MTUS2: variants seen among roughly 807,000 people sequenced by gnomAD.
MTUS2 encodes microtubule associated scaffold protein 2, also known as microtubule-associated tumor suppressor candidate 2.
MTUS2 carries 40 observed loss-of-function variants against 114.1 expected under a neutral mutation model. That is an observed-to-expected ratio of 0.35 (90% CI 0.27 to 0.46). The LOEUF (loss-of-function observed/expected upper bound fraction) is 0.46. Among genes scored for constraint, MTUS2 ranks in the 20% least tolerant of loss-of-function variants. MTUS2 has a pLI of 1.00. For missense variants in MTUS2, 1,679 were observed against 1,705.4 expected (o/e 0.98, Z 0.27); for synonymous variants, 688 against 672.0 (o/e 1.02, Z -0.37).
intron 7 of MTUS2, among the ~76,000 whole-genome samples, chr13:29,332,297 T>C (rs1900819126): frequency 6.6e-6 from 1 of 151,118 alleles, no homozygotes; most frequent in Non-Finnish European, 1.5e-5. Flanking sequence ...GGAGGGTGTA[T>C]GTGCCCAGGA....
chr13:29,435,464 T>C (rs1421720529), intron 8 of MTUS2, among the ~76,000 whole-genome samples: 1 of 152,122 alleles, frequency 6.6e-6, no homozygotes, highest in Non-Finnish European at 1.5e-5. Context: ...AGACCAGGCA[T>C]AGTTTGGGGA....
chr13:28,947,854 G>T (rs917900076), intron 2 of MTUS2, among the ~76,000 whole-genome samples: 3 of 152,162 alleles, frequency 2.0e-5, no homozygotes, highest in Non-Finnish European at 2.9e-5. Flanking sequence ...AATATTTGAG[G>T]ATGCTTTTAG....
chr13:29,172,177 T>C (rs1893590997), intron 5 of MTUS2, among the ~76,000 whole-genome samples: 1 of 152,220 alleles, frequency 6.6e-6, no homozygotes, highest in South Asian at 2.1e-4. Context: ...ATGGCTTTGC[T>C]ACTGACTCCC....
chr13:29,376,901 A>G (rs1170180207), intron 8 of MTUS2, among the ~76,000 whole-genome samples: 3 of 152,222 alleles, frequency 2.0e-5, no homozygotes, highest in African/African-American at 7.2e-5. Context: ...AAATATAATG[A>G]TATACGTAAG....
intron 2 of MTUS2, among the ~76,000 whole-genome samples, chr13:28,939,603 T>C (rs781281847): frequency 6.6e-6 from 1 of 152,220 alleles, no homozygotes; most frequent in Non-Finnish European, 1.5e-5. Context: ...TCATTAGTTA[T>C]TGGTTCAGGA....
chr13:29,293,312 G>A (rs1898795172), intron 6 of MTUS2, among the ~76,000 whole-genome samples: 1 of 152,062 alleles, frequency 6.6e-6, no homozygotes, highest in African/African-American at 2.4e-5. Flanking sequence ...CACACTAGAA[G>A]TACAAAGTGG....
At chr13:29,244,845 A>G (rs1445455132) in intron 5 of MTUS2, among the ~76,000 whole-genome samples, 11 of 146,032 alleles carry the variant, frequency 7.5e-5, no homozygotes, top group Admixed American at 2.1e-4. Context: ...AGTCCCAGCT[A>G]CTTGGGAGGC....
intron 2 of MTUS2, among the ~76,000 whole-genome samples, chr13:28,988,229 G>A (rs943733243): frequency 3.3e-5 from 5 of 152,130 alleles, no homozygotes; most frequent in African/African-American, 1.2e-4. Flanking sequence ...CTAAATTAGG[G>A]GTGTGAGGAT....
intron 5 of MTUS2, among the ~76,000 whole-genome samples, chr13:29,133,351 T>C (rs925072260): frequency 2.0e-5 from 3 of 152,186 alleles, no homozygotes; most frequent in African/African-American, 7.2e-5. Context: ...GATATACAAA[T>C]TTTTAAAATT....
At chr13:29,166,323 G>A (rs1374928673) in intron 5 of MTUS2, among the ~76,000 whole-genome samples, 1 of 152,222 alleles carries the variant, frequency 6.6e-6, no homozygotes, top group Non-Finnish European at 1.5e-5. Flanking sequence ...CTGACAGAAG[G>A]TTGGAGTAGA....
In MTUS2 at chr13:29,022,623, T is replaced by C. The variant is rs1247148565; in HGVS notation, c.-242-1834T>C. Among the ~76,000 whole-genome samples, 15 of 152,370 alleles carry C rather than the reference T, an allele frequency of 9.8e-5. 1 individual carries two copies. ...CTCACATGTGGTGTGCACGTGTGCT[T>C]GCACATTCTTGATGAATGAGGAGGA... On this transcript the variant is annotated intron_variant, in intron 2 of 15. Transcript: ENST00000612955.
intron 8 of MTUS2, among the ~76,000 whole-genome samples, chr13:29,424,598 C>T (rs569605025): frequency 6.6e-6 from 1 of 152,238 alleles, no homozygotes; most frequent in Non-Finnish European, 1.5e-5. Flanking sequence ...ATTGGAACAC[C>T]CAGACACAGT....
At chr13:29,221,603 T>C (rs1180656147) in intron 5 of MTUS2, among the ~76,000 whole-genome samples, 1 of 152,136 alleles carries the variant, frequency 6.6e-6, no homozygotes, top group Non-Finnish European at 1.5e-5. Flanking sequence ...TGGTTACTAA[T>C]CATGTGTTAT....
At chr13:29,258,966 C>G (rs1897370880) in intron 5 of MTUS2, among the ~76,000 whole-genome samples, 1 of 152,208 alleles carries the variant, frequency 6.6e-6, no homozygotes, top group African/African-American at 2.4e-5. Context: ...AGAATCCAGA[C>G]TAATAAAGGT....
intron 2 of MTUS2, among the ~76,000 whole-genome samples, chr13:29,023,686 T>G (rs577303050): frequency 5.9e-5 from 9 of 152,358 alleles, no homozygotes; most frequent in Admixed American, 5.9e-4. Flanking sequence ...TAATATCCTT[T>G]GCTAACATGT....
intron 2 of MTUS2, among the ~76,000 whole-genome samples, chr13:28,923,030 T>C (rs1881134457): frequency 6.6e-6 from 1 of 152,186 alleles, no homozygotes; most frequent in Admixed American, 6.5e-5. Context: ...CCTTTTTTTC[T>C]GGTTTATCTT....
intron 5 of MTUS2, among the ~76,000 whole-genome samples, chr13:29,200,891 C>T (rs1029745440): frequency 4.6e-5 from 7 of 152,090 alleles, no homozygotes; most frequent in Non-Finnish European, 1.0e-4. Context: ...TTAGGATTTA[C>T]ATTCTTTTCC....
chr13:29,060,153 A>G (rs1454469061), intron 4 of MTUS2, among the ~76,000 whole-genome samples: 5 of 152,180 alleles, frequency 3.3e-5, no homozygotes, highest in Non-Finnish European at 7.4e-5. Context: ...TACTGCTCCC[A>G]AGCACCATGA....
chr13:28,846,119 A>T (rs1484088228), intron 2 of MTUS2, among the ~76,000 whole-genome samples: 2 of 151,794 alleles, frequency 1.3e-5, no homozygotes, highest in African/African-American at 4.8e-5. Flanking sequence ...CCTGTAAGAA[A>T]GTAGAGCTGC....
Sources: gnomAD v4.1 joint callset for allele counts (sites outside exome capture counted in the v4.1 genomes callset) on GRCh38, gnomAD v4.1.1 for gene constraint, MANE v1.5 for transcripts, NCBI Gene and HGNC (gene_info 2026-07-23, HGNC 2026-07-21) for gene names.